PPFIA2: variants seen among roughly 807,000 people sequenced by gnomAD.
PPFIA2 encodes the protein liprin-alpha-2.
A neutral mutation model predicts 175.5 loss-of-function variants in PPFIA2; 46 were observed. The observed-to-expected ratio is 0.26, with a 90% CI of 0.21 to 0.34. The LOEUF is 0.34. PPFIA2 is among the 10% of genes least tolerant of loss of function. The probability of loss-of-function intolerance (pLI) is 1.00; values close to 1 mark genes in which losing one functional copy is unlikely to be tolerated. For missense variants in PPFIA2, 1,179 were observed against 1,506.1 expected, an observed-to-expected ratio of 0.78 and a Z score of 3.60; for synonymous variants, 568 against 511.4, an observed-to-expected ratio of 1.11 and a Z score of -1.49.
chr12:81,337,377 A>G (rs2057300941), intron 21 of PPFIA2, among the ~76,000 whole-genome samples: 1 of 152,142 alleles, frequency 6.6e-6, no homozygotes, highest in African/African-American at 2.4e-5. Context: ...GACCTGAATT[A>G]ACTTTTGCTA....
chr12:81,421,514 C>T (rs2046236747), intron 7 of PPFIA2, among the ~76,000 whole-genome samples: 1 of 151,250 alleles, frequency 6.6e-6, no homozygotes, highest in Admixed American at 6.6e-5. Context: ...GAGCTAACCA[C>T]AAATAAAATT....
intron 4 of PPFIA2, among the ~76,000 whole-genome samples, chr12:81,554,016 A>G (rs1456046504): frequency 6.6e-6 from 1 of 152,050 alleles, no homozygotes; most frequent in Non-Finnish European, 1.5e-5. Flanking sequence ...AATTGATTTA[A>G]TACAACTTTT....
chr12:81,520,641 C>T (rs1264223621), intron 4 of PPFIA2, among the ~76,000 whole-genome samples: 1 of 152,128 alleles, frequency 6.6e-6, no homozygotes, highest in African/African-American at 2.4e-5. Flanking sequence ...CAGAATAGTA[C>T]ATAACAAGAC....
intron 4 of PPFIA2, among the ~76,000 whole-genome samples, chr12:81,490,210 A>G (rs919004727): frequency 1.3e-5 from 2 of 151,964 alleles, no homozygotes; most frequent in Admixed American, 1.3e-4. Context: ...AGGAGTTATA[A>G]GGTCAGCCTT....
intron 4 of PPFIA2, among the ~76,000 whole-genome samples, chr12:81,584,768 C>A (rs2074936227): frequency 7.5e-6 from 1 of 134,020 alleles, no homozygotes; most frequent in Non-Finnish European, 1.5e-5. Flanking sequence ...AAATATATAG[C>A]ATAAAAGAAT....
At chr12:81,269,767 A>T (rs994091697) in intron 28 of PPFIA2, among the ~76,000 whole-genome samples, 1 of 152,208 alleles carries the variant, frequency 6.6e-6, no homozygotes, top group African/African-American at 2.4e-5. Flanking sequence ...TATGGAATTT[A>T]TCTACGCTTT....
At position 81,358,102 on chromosome 12, in the gene PPFIA2, C is replaced by T. The variant is rs1206851394; in HGVS notation, c.1753G>A (p.Val585Met). ...IRRPRRGRMG[V>M]RRDEPKVKSL... Reference sequence around the variant, plus strand: ...TTAACCTTTGGCTCATCTCTTCGCACACCCATGCGGCCTCTCCTTGGTCTT... The same window carrying T: ...TTAACCTTTGGCTCATCTCTTCGCATACCCATGCGGCCTCTCCTTGGTCTT... Residue 585 changes from valine to methionine, a missense_variant, in exon 16 of 33, where the codon GTG becomes ATG. Coordinates refer to ENST00000549396, the MANE Select transcript of PPFIA2 (RefSeq NM_003625.5). 1 of 1,604,224 alleles carries T rather than the reference C, an allele frequency of 6.2e-7. No homozygotes were observed. Among genetic ancestry groups the T allele is most frequent in the Admixed American group, 1.7e-5 (1 of 58,672 alleles).
At chr12:81,399,030 T>G (rs538494334) in intron 8 of PPFIA2, among the ~76,000 whole-genome samples, 11 of 152,050 alleles carry the variant, frequency 7.2e-5, no homozygotes, top group African/African-American at 2.7e-4. Flanking sequence ...ATGAAATAGA[T>G]AAATTCTACC....
intron 9 of PPFIA2, among the ~76,000 whole-genome samples, chr12:81,379,968 A>T (rs2037271420): frequency 6.6e-6 from 1 of 152,108 alleles, no homozygotes; most frequent in Non-Finnish European, 1.5e-5. Flanking sequence ...TTATTTCCTA[A>T]TTTTTACTCA....
chr12:81,552,528 C>G (rs1260356870), intron 4 of PPFIA2, among the ~76,000 whole-genome samples: 1 of 151,860 alleles, frequency 6.6e-6, no homozygotes, highest in Non-Finnish European at 1.5e-5. Context: ...GAAACAGTAC[C>G]TTCTAGTATC....
At chr12:81,697,116 C>A (rs967583355) in intron 3 of PPFIA2, among the ~76,000 whole-genome samples, 15 of 151,692 alleles carry the variant, frequency 9.9e-5, no homozygotes, top group African/African-American at 2.9e-4. Flanking sequence ...CCCTGAATTT[C>A]TAAATTTTGC....
chr12:81,712,231 T>G (rs2078030267), intron 3 of PPFIA2, among the ~76,000 whole-genome samples: 1 of 151,370 alleles, frequency 6.6e-6, no homozygotes, highest in Non-Finnish European at 1.5e-5. Flanking sequence ...GGTCTCATTT[T>G]CATCCTGAAT....
chr12:81,273,334 C>T (rs970527989), intron 28 of PPFIA2, among the ~76,000 whole-genome samples: 14 of 151,996 alleles, frequency 9.2e-5, no homozygotes, highest in African/African-American at 2.2e-4. Flanking sequence ...CACCCCACTC[C>T]GTTCCCTGCT....
chr12:81,312,163 G>A lies in PPFIA2; in HGVS notation c.2643-12781C>T, dbSNP rs974932863. Reference sequence around the variant, plus strand: ...CAGCCATTGTGATTCAACTTACCCAGATGTGCTTTTCATGAGATGGAGAAG... The same window carrying A: ...CAGCCATTGTGATTCAACTTACCCAAATGTGCTTTTCATGAGATGGAGAAG... On this transcript the variant is annotated intron_variant, in intron 22 of 32. Transcript: ENST00000549396. 7.2e-6 allele frequency: 11 copies of A among 1,534,824 alleles called. No homozygotes were observed. In the African/African-American group the frequency reaches 1.2e-4, roughly 17 times the overall value.
chr12:81,624,625 T>A (rs968045554), intron 4 of PPFIA2, among the ~76,000 whole-genome samples: 3 of 146,442 alleles, frequency 2.0e-5, no homozygotes, highest in African/African-American at 7.4e-5. Context: ...ATTATATATA[T>A]AATATATATT....
chr12:81,266,280 G>A (rs1162785988), intron 30 of PPFIA2, among the ~76,000 whole-genome samples: 1 of 152,110 alleles, frequency 6.6e-6, no homozygotes, highest in Non-Finnish European at 1.5e-5. Context: ...GAAAGACCCT[G>A]TAGAAAAACT....
chr12:81,398,596 T>G (rs996525468), intron 8 of PPFIA2, among the ~76,000 whole-genome samples: 8 of 152,036 alleles, frequency 5.3e-5, no homozygotes, highest in Non-Finnish European at 1.2e-4. Context: ...GTTACAGAGA[T>G]CAAATAAAAC....
intron 3 of PPFIA2, 111 bp downstream of exon 3, chr12:81,753,862 C>T (rs542091509): frequency 7.5e-6 from 10 of 1,337,672 alleles, no homozygotes; most frequent in East Asian, 2.5e-5. Flanking sequence ...CTCACCAAAA[C>T]GTGTGTATCA....
At chr12:81,304,367 C>G (rs539512098) in intron 22 of PPFIA2, among the ~76,000 whole-genome samples, 2 of 152,218 alleles carry the variant, frequency 1.3e-5, no homozygotes, top group South Asian at 4.1e-4. Context: ...AAGAATAAAG[C>G]CAACTGAATC....
Sources: gnomAD v4.1 joint callset for allele counts (sites outside exome capture counted in the v4.1 genomes callset) on GRCh38, gnomAD v4.1.1 for gene constraint, MANE v1.5 for transcripts, NCBI Gene and HGNC (gene_info 2026-07-23, HGNC 2026-07-21) for gene names.